DAB1: variants seen among roughly 807,000 people sequenced by gnomAD.
DAB1 encodes disabled homolog 1.
DAB1 carries 15 observed loss-of-function variants against 64.6 expected under a neutral mutation model. That is an observed-to-expected ratio of 0.23 (90% confidence interval 0.16 to 0.36). The LOEUF is 0.36. DAB1 is among the 10% of genes least tolerant of loss of function. The pLI is 1.00. For synonymous variants in DAB1, 235 were observed against 251.9 expected, an observed-to-expected ratio of 0.93 and a Z score of 0.64; for missense variants, 596 against 706.7, an observed-to-expected ratio of 0.84 and a Z score of 1.78.
At chr1:57,393,825 G>A (rs963747168) in intron 1 of DAB1, among the ~76,000 whole-genome samples, 1 of 152,258 alleles carries the variant, frequency 6.6e-6, no homozygotes, top group Non-Finnish European at 1.5e-5. Flanking sequence ...TTGAGTAGTT[G>A]CAACAGAGAC....
intron 3 of DAB1, among the ~76,000 whole-genome samples, chr1:58,449,699 G>A (rs1645111241): frequency 6.6e-6 from 1 of 152,078 alleles, no homozygotes. Flanking sequence ...TGAAATGCTT[G>A]CCTACCCCAC....
chr1:58,172,240 T>G (rs959866026), intron 4 of DAB1, among the ~76,000 whole-genome samples: 10 of 152,194 alleles, frequency 6.6e-5, no homozygotes, highest in African/African-American at 2.4e-4. Context: ...AGAGCAGGGA[T>G]AGCTCTTGGA....
At chr1:57,132,098 G>A (rs1657696389) in intron 4 of DAB1, among the ~76,000 whole-genome samples, 1 of 151,972 alleles carries the variant, frequency 6.6e-6, no homozygotes, top group African/African-American at 2.4e-5. Context: ...CTCCTCCACT[G>A]CCAAGTCAGT....
intron 1 of DAB1, among the ~76,000 whole-genome samples, chr1:57,361,246 G>A (rs1679525660): frequency 6.6e-6 from 1 of 152,110 alleles, no homozygotes. Context: ...CTGGATGAAT[G>A]ACATAAAACT....
chr1:57,074,770 A>G (rs1651830337), intron 4 of DAB1, among the ~76,000 whole-genome samples: 1 of 152,164 alleles, frequency 6.6e-6, no homozygotes, highest in Non-Finnish European at 1.5e-5. Flanking sequence ...CAATAAAACG[A>G]ATGTATAAGT....
chr1:57,220,790 C>T (rs1666806273), intron 2 of DAB1, among the ~76,000 whole-genome samples: 1 of 152,238 alleles, frequency 6.6e-6, no homozygotes, highest in African/African-American at 2.4e-5. Flanking sequence ...AAGAACAAAA[C>T]TGTTGGTGGG....
At chr1:57,610,121 C>A (rs148961220) in intron 7 of DAB1, among the ~76,000 whole-genome samples, 383 of 152,314 alleles carry the variant, frequency 2.5e-3, no homozygotes, top group Non-Finnish European at 4.1e-3. Context: ...GTCCTCTCTT[C>A]CATACTGAAG....
At chr1:58,166,109 TAATC>T (rs1655817986) in intron 4 of DAB1, among the ~76,000 whole-genome samples, 1 of 152,244 alleles carries the variant, frequency 6.6e-6, no homozygotes, top group Non-Finnish European at 1.5e-5. Flanking sequence ...TCACATTTAT[TAATC>T]AATGACTATA....
intron 7 of DAB1, among the ~76,000 whole-genome samples, chr1:57,457,456 T>C (rs1438287540): frequency 6.6e-6 from 1 of 152,130 alleles, no homozygotes; most frequent in Non-Finnish European, 1.5e-5. Flanking sequence ...AAAAGTGCTA[T>C]AGAACAAGGA....
chr1:57,902,572 G>C (rs540403934), intron 5 of DAB1, among the ~76,000 whole-genome samples: 1 of 152,054 alleles, frequency 6.6e-6, no homozygotes, highest in Non-Finnish European at 1.5e-5. Context: ...GTCATTTCTT[G>C]TTAGCTTTTA....
chr1:57,076,730 C>A (rs988260169), intron 4 of DAB1, among the ~76,000 whole-genome samples: 3 of 152,242 alleles, frequency 2.0e-5, no homozygotes, highest in African/African-American at 7.2e-5. Flanking sequence ...ATAGCTCTGA[C>A]ATGTTGCCCA....
intron 4 of DAB1, among the ~76,000 whole-genome samples, chr1:57,131,355 G>T (rs1399131629): frequency 1.3e-5 from 2 of 152,126 alleles, no homozygotes; most frequent in African/African-American, 4.8e-5. Context: ...GGATGTAAAT[G>T]AGACAGATCC....
At chr1:57,129,451 G>C (rs907068021) in intron 4 of DAB1, among the ~76,000 whole-genome samples, 5 of 152,144 alleles carry the variant, frequency 3.3e-5, no homozygotes, top group Non-Finnish European at 1.5e-5. Context: ...GCAGCCATGG[G>C]CCAGTGGAAG....
At chr1:58,009,245 C>G (rs1472847799) in intron 5 of DAB1, among the ~76,000 whole-genome samples, 1 of 152,126 alleles carries the variant, frequency 6.6e-6, no homozygotes, top group Admixed American at 6.6e-5. Context: ...AGAATCCAGT[C>G]CTTGTAAACC....
chr1:58,005,051 A>G (rs1049709545), intron 5 of DAB1, among the ~76,000 whole-genome samples: 2 of 148,108 alleles, frequency 1.4e-5, no homozygotes, highest in Non-Finnish European at 1.5e-5. Flanking sequence ...AAATGAAACT[A>G]GAGTGAGCTT....
chr1:57,244,601 C>T (rs1668730696), intron 2 of DAB1, among the ~76,000 whole-genome samples: 1 of 152,096 alleles, frequency 6.6e-6, no homozygotes, highest in African/African-American at 2.4e-5. Flanking sequence ...TACTCTTGAC[C>T]AATGTAAACA....
In DAB1 at chr1:57,702,545, G is replaced by A. The variant is rs137940702; in HGVS notation, n.552-52880C>T. Among the ~76,000 whole-genome samples, 327 of 152,078 alleles carry A rather than the reference G, an allele frequency of 2.2e-3. 1 individual carries two copies. Among genetic ancestry groups the A allele is most frequent in the African/African-American group, 7.0e-3 (292 of 41,510 alleles). On this transcript the variant is annotated intron_variant and non_coding_transcript_variant, in intron 6 of 20. Coordinates refer to the DAB1 transcript ENST00000485760. ...CATCTACCTCTATGTTGGCATAAAG[G>A]TATGCCATGATGTTATAGAATGGCT...
At chr1:57,461,943 C>CTTTT (rs545743407) in intron 7 of DAB1, among the ~76,000 whole-genome samples, 1 of 100,342 alleles carries the variant, frequency 1.0e-5, no homozygotes, top group Admixed American at 1.1e-4. Flanking sequence ...AAGATATACT[C>CTTTT]TTTTTTTTTT....
chr1:58,305,042 AT>A (rs1471594437), intron 4 of DAB1, among the ~76,000 whole-genome samples: 1 of 151,998 alleles, frequency 6.6e-6, no homozygotes, highest in Non-Finnish European at 1.5e-5. Context: ...TGCATTGGCT[AT>A]TCACAAGTGC....
Sources: gnomAD v4.1 joint callset for allele counts (sites outside exome capture counted in the v4.1 genomes callset) on GRCh38, gnomAD v4.1.1 for gene constraint, MANE v1.5 for transcripts, NCBI Gene and HGNC (gene_info 2026-07-23, HGNC 2026-07-21) for gene names.